Variants in EPB41L3 observed in about 807,000 individuals in gnomAD.
The protein encoded by EPB41L3 is erythrocyte membrane protein band 4.1 like 3, also known as band 4.1-like protein 3.
In EPB41L3, 57 loss-of-function variants were observed where a neutral mutation model predicts 127.1. The ratio of observed to expected loss-of-function variants is 0.45; its 90% CI spans 0.36 to 0.56. The LOEUF (loss-of-function observed/expected upper bound fraction) is 0.56, where lower values mean the gene tolerates loss of function less well. Ranked by LOEUF, EPB41L3 falls within the 20% of genes least tolerant of loss-of-function variation. EPB41L3 has a pLI of 0.00. For missense variants in EPB41L3, 1,273 were observed against 1,372.2 expected (o/e 0.93, Z 1.14); for synonymous variants, 572 against 549.5 (o/e 1.04, Z -0.57).
upstream of EPB41L3, chr18:5,544,331 A>C: frequency 1.0e-6 from 1 of 985,290 alleles, no homozygotes; most frequent in Non-Finnish European, 1.2e-6. Flanking sequence ...CTCCCCTCCC[A>C]GACATCCCCT....
rs547528264 is a variant in EPB41L3, at chr18:5,597,959, T to A, written c.-306+14381A>T. Among the ~76,000 whole-genome samples, 6 of 152,298 alleles carry A rather than the reference T, an allele frequency of 3.9e-5. No homozygotes were observed. The East Asian group carries it at 9.6e-4, about 24-fold the overall frequency. On this transcript the variant is annotated intron_variant, in intron 3 of 21. Transcript: ENST00000545076. Reference sequence around the variant, plus strand: ...ACCACGTGTTTGAGTGCTCTCTCTGTCCCAGATCCTGCATGCACAATGTTT... The same window carrying A: ...ACCACGTGTTTGAGTGCTCTCTCTGACCCAGATCCTGCATGCACAATGTTT...
intron 3 of EPB41L3, among the ~76,000 whole-genome samples, chr18:5,589,590 TGAAAA>T (rs1368037472): frequency 1.3e-5 from 2 of 152,216 alleles, no homozygotes; most frequent in African/African-American, 4.8e-5. Flanking sequence ...AGAAAATGTT[TGAAAA>T]GAAGAGAAAC....
At chr18:5,409,258 A>G (rs879678387) in intron 14 of EPB41L3, among the ~76,000 whole-genome samples, 1 of 152,172 alleles carries the variant, frequency 6.6e-6, no homozygotes, top group Admixed American at 6.5e-5. Flanking sequence ...ACTCCCTTGC[A>G]TGCTTTAAAT....
At chr18:5,608,964 T>G (rs2094694878) in intron 3 of EPB41L3, among the ~76,000 whole-genome samples, 1 of 152,186 alleles carries the variant, frequency 6.6e-6, no homozygotes, top group Non-Finnish European at 1.5e-5. Context: ...AAGATAAAGA[T>G]TCCCAAATTA....
At chr18:5,441,618 A>T (rs541226791) in intron 5 of EPB41L3, among the ~76,000 whole-genome samples, 7 of 152,246 alleles carry the variant, frequency 4.6e-5, no homozygotes, top group Non-Finnish European at 7.4e-5. Flanking sequence ...GGCGCACGCC[A>T]CCATGCCCGG....
chr18:5,544,591 C>T (rs954254236), upstream of EPB41L3, among the ~76,000 whole-genome samples: 5 of 152,070 alleles, frequency 3.3e-5, no homozygotes, highest in South Asian at 2.1e-4. Flanking sequence ...TTTTAAAGAG[C>T]GGAGGTGGCT....
intron 1 of EPB41L3, among the ~76,000 whole-genome samples, chr18:5,616,365 C>T (rs940523467): frequency 6.6e-6 from 1 of 152,128 alleles, no homozygotes; most frequent in South Asian, 2.1e-4. Context: ...AAATCAACTG[C>T]TTCCTCTTTG....
upstream of EPB41L3, among the ~76,000 whole-genome samples, chr18:5,546,395 G>A (rs1457299601): frequency 1.3e-5 from 2 of 152,062 alleles, no homozygotes; most frequent in East Asian, 3.9e-4. Context: ...GCTGGGCATA[G>A]TGGTGGGCGC....
At chr18:5,619,004 A>G (rs1599359670) in intron 1 of EPB41L3, among the ~76,000 whole-genome samples, 1 of 152,210 alleles carries the variant, frequency 6.6e-6, no homozygotes, top group African/African-American at 2.4e-5. Context: ...TAGTTAACTC[A>G]GCCACTAAAA....
intron 5 of EPB41L3, 115 bp from the exon 6 acceptor site, chr18:5,438,225 A>C: frequency 1.2e-6 from 1 of 828,390 alleles, no homozygotes; most frequent in Non-Finnish European, 1.8e-6. Flanking sequence ...TTGACCATTA[A>C]TGGAAAACTG....
At chr18:5,434,699 A>G (rs2079494074) in intron 6 of EPB41L3, among the ~76,000 whole-genome samples, 1 of 152,264 alleles carries the variant, frequency 6.6e-6, no homozygotes, top group South Asian at 2.1e-4. Context: ...ACAAACCTAC[A>G]TGTATAAAAG....
intron 1 of EPB41L3, among the ~76,000 whole-genome samples, chr18:5,497,085 A>G (rs1258946532): frequency 6.6e-6 from 1 of 152,208 alleles, no homozygotes; most frequent in Non-Finnish European, 1.5e-5. Context: ...CAGTGGCGAT[A>G]AAGCCTGTGA....
chr18:5,468,471 G>A (rs2085429850), intron 3 of EPB41L3, among the ~76,000 whole-genome samples: 1 of 152,138 alleles, frequency 6.6e-6, no homozygotes, highest in Non-Finnish European at 1.5e-5. Context: ...CCCTTCTGAA[G>A]CCCATAAAAA....
intron 5 of EPB41L3, among the ~76,000 whole-genome samples, chr18:5,442,679 A>G (rs1296192547): frequency 6.6e-6 from 1 of 152,230 alleles, no homozygotes; most frequent in African/African-American, 2.4e-5. Flanking sequence ...GTTGTTTGGA[A>G]GAATTTAGAC....
At chr18:5,629,277 C>T (rs940100628), upstream of EPB41L3, among the ~76,000 whole-genome samples, 6 of 152,010 alleles carry the variant, frequency 3.9e-5, no homozygotes, top group Non-Finnish European at 8.8e-5. Flanking sequence ...GGAGAGGAGC[C>T]GGCAGCGCGG....
chr18:5,511,412 T>G (rs1028704951), intron 1 of EPB41L3, among the ~76,000 whole-genome samples: 10 of 142,160 alleles, frequency 7.0e-5, no homozygotes, highest in Non-Finnish European at 4.6e-5. Flanking sequence ...TTTTTTTTTT[T>G]TTTTTTTTTT....
intron 1 of EPB41L3, among the ~76,000 whole-genome samples, chr18:5,505,760 T>C (rs1598416766): frequency 3.6e-5 from 3 of 82,840 alleles, no homozygotes; most frequent in Admixed American, 1.2e-4. Context: ...ACCCCTTCCC[T>C]CCACACCTTC....
chr18:5,402,724 T>C (rs1280145691), intron 16 of EPB41L3, among the ~76,000 whole-genome samples: 6 of 152,196 alleles, frequency 3.9e-5, no homozygotes, highest in Admixed American at 3.3e-4. Context: ...TAGTCAGATA[T>C]ATAGCCCAAC....
intron 3 of EPB41L3, among the ~76,000 whole-genome samples, chr18:5,472,518 G>A (rs539603154): frequency 3.3e-5 from 5 of 152,316 alleles, no homozygotes; most frequent in East Asian, 1.9e-4. Context: ...ACAGAGCTAC[G>A]TGGAATCAAA....
Sources: allele counts gnomAD v4.1 joint callset (sites outside exome capture counted in the v4.1 genomes callset), GRCh38; gene constraint gnomAD v4.1.1; transcripts MANE v1.5; gene names NCBI Gene and HGNC (gene_info 2026-07-23, HGNC 2026-07-21).